RABGAP1L: variants seen among roughly 807,000 people sequenced by gnomAD.
RABGAP1L encodes RAB GTPase activating protein 1 like.
Under a neutral mutation model 137.7 loss-of-function variants are expected in RABGAP1L, and 63 were observed. The observed-to-expected ratio is 0.46, with a 90% CI of 0.37 to 0.56. The LOEUF is 0.56. Ranked by LOEUF, RABGAP1L falls within the 20% of genes least tolerant of loss-of-function variation. RABGAP1L has a pLI of 0.00. For synonymous variants in RABGAP1L, 431 were observed against 433.7 expected, an observed-to-expected ratio of 0.99 and a Z score of 0.08; for missense variants, 1,095 against 1,244.0, an observed-to-expected ratio of 0.88 and a Z score of 1.80.
At chr1:174,622,083 G>A (rs1346972653) in intron 13 of RABGAP1L, among the ~76,000 whole-genome samples, 2 of 152,186 alleles carry the variant, frequency 1.3e-5, no homozygotes, top group African/African-American at 4.8e-5. Flanking sequence ...CATTTATGCA[G>A]CCAAGAGACA....
At chr1:174,941,166 C>T (rs1191545073) in intron 19 of RABGAP1L, among the ~76,000 whole-genome samples, 1 of 152,186 alleles carries the variant, frequency 6.6e-6, no homozygotes, top group Non-Finnish European at 1.5e-5. Flanking sequence ...CTTGTCCCTC[C>T]CTATACCCCT....
At chr1:174,350,590 G>A (rs1176415723) in intron 11 of RABGAP1L, among the ~76,000 whole-genome samples, 1 of 107,036 alleles carries the variant, frequency 9.3e-6, no homozygotes, top group African/African-American at 3.7e-5. Flanking sequence ...GGGCAGAGAC[G>A]CTCCTCACTT....
At chr1:174,424,720 C>T (rs1333284399) in intron 13 of RABGAP1L, among the ~76,000 whole-genome samples, 2 of 130,512 alleles carry the variant, frequency 1.5e-5, no homozygotes, top group African/African-American at 7.6e-5. Flanking sequence ...GTCATTAATA[C>T]ATTTATTCTT....
At chr1:174,473,959 G>A (rs547476282) in intron 13 of RABGAP1L, among the ~76,000 whole-genome samples, 1 of 152,164 alleles carries the variant, frequency 6.6e-6, no homozygotes, top group African/African-American at 2.4e-5. Flanking sequence ...GAACTTCTTT[G>A]ACTAACCCCA....
In RABGAP1L at chr1:174,254,080, G is replaced by GC. The variant is rs1470252959; in HGVS notation, c.986+1495dup. On this transcript the variant is annotated intron_variant, in intron 7 of 25. Coordinates refer to ENST00000681986, the MANE Select transcript of RABGAP1L (RefSeq NM_001366446.1). ...TCTTAAATATAGGAGAAGGTATCTGGCCCCCAGTTATCTGCTGTTTTTTTT... is the reference window on the plus strand; with the variant it reads ...TCTTAAATATAGGAGAAGGTATCTGGCCCCCCAGTTATCTGCTGTTTTTTTT... Among the ~76,000 whole-genome samples the GC allele has an allele frequency of 1.1e-4, 16 of 151,802 alleles. No homozygotes were observed. The East Asian group carries it at 2.9e-3, about 28-fold the overall frequency.
chr1:174,849,087 C>G (rs1246708498), intron 19 of RABGAP1L, among the ~76,000 whole-genome samples: 1 of 152,202 alleles, frequency 6.6e-6, no homozygotes, highest in Non-Finnish European at 1.5e-5. Context: ...TGCTTCGGCT[C>G]GCGCACGGTG....
intron 11 of RABGAP1L, among the ~76,000 whole-genome samples, chr1:174,333,043 T>C (rs370229095): frequency 1.3e-5 from 2 of 152,218 alleles, no homozygotes; most frequent in African/African-American, 4.8e-5. Context: ...GAGGGCATTA[T>C]GCAAAGTGTA....
At chr1:174,432,510 G>A (rs979730070) in intron 13 of RABGAP1L, among the ~76,000 whole-genome samples, 1 of 152,066 alleles carries the variant, frequency 6.6e-6, no homozygotes, top group Non-Finnish European at 1.5e-5. Context: ...AACATGGTCA[G>A]GTTCAGACAA....
At chr1:174,429,143 G>A (rs1571759283) in intron 13 of RABGAP1L, among the ~76,000 whole-genome samples, 2 of 152,250 alleles carry the variant, frequency 1.3e-5, no homozygotes, top group African/African-American at 2.4e-5. Flanking sequence ...ATAAAGCAGG[G>A]TATTGTAAAT....
intron 18 of RABGAP1L, 24 bp downstream of exon 18, chr1:174,752,378 G>T: frequency 6.6e-7 from 1 of 1,509,836 alleles, no homozygotes; most frequent in East Asian, 2.4e-5. Flanking sequence ...TTAATCTTAA[G>T]TTACCACATT....
chr1:174,445,448 A>G (rs561578723), intron 13 of RABGAP1L, among the ~76,000 whole-genome samples: 17 of 152,172 alleles, frequency 1.1e-4, no homozygotes, highest in Middle Eastern at 3.4e-3. Flanking sequence ...TCTAATTTCT[A>G]TGCTCTTTTG....
chr1:174,162,153 C>T (rs145572871), intron 1 of RABGAP1L, among the ~76,000 whole-genome samples: 12 of 151,314 alleles, frequency 7.9e-5, no homozygotes, highest in South Asian at 2.1e-4. Context: ...TTTCTTTTTA[C>T]GCTGGTAGTT....
At chr1:174,504,155 T>G (rs1661601728) in intron 13 of RABGAP1L, among the ~76,000 whole-genome samples, 1 of 151,932 alleles carries the variant, frequency 6.6e-6, no homozygotes, top group South Asian at 2.1e-4. Context: ...GTGTTTTTTG[T>G]AGAGTTAGGG....
At chr1:174,713,973 T>C (rs1680794251) in intron 17 of RABGAP1L, among the ~76,000 whole-genome samples, 1 of 152,228 alleles carries the variant, frequency 6.6e-6, no homozygotes, top group South Asian at 2.1e-4. Context: ...ACTCCTCTAC[T>C]GAAAACCCTT....
At chr1:174,229,307 T>C (rs1463741990) in intron 3 of RABGAP1L, among the ~76,000 whole-genome samples, 1 of 152,196 alleles carries the variant, frequency 6.6e-6, no homozygotes, top group East Asian at 1.9e-4. Flanking sequence ...GATAAACTTT[T>C]AGCTGATTTA....
chr1:174,800,162 A>G, intron 18 of RABGAP1L: 1 of 1,393,594 alleles, frequency 7.2e-7, no homozygotes, highest in Non-Finnish European at 9.3e-7. Context: ...CTCGCAGTGG[A>G]TAATTTAGCC....
intron 14 of RABGAP1L, among the ~76,000 whole-genome samples, chr1:174,650,082 T>C (rs1170306851): frequency 6.6e-6 from 1 of 152,170 alleles, no homozygotes; most frequent in Non-Finnish European, 1.5e-5. Context: ...TCTGCATCTA[T>C]TGAGATAATC....
At chr1:174,634,131 C>T (rs543684216) in intron 13 of RABGAP1L, among the ~76,000 whole-genome samples, 3 of 130,816 alleles carry the variant, frequency 2.3e-5, no homozygotes, top group South Asian at 2.6e-4. Flanking sequence ...TCGCAACCTA[C>T]TCATCTGACA....
At chr1:174,781,432 ATTTG>A (rs1675727491) in intron 18 of RABGAP1L, among the ~76,000 whole-genome samples, 1 of 152,010 alleles carries the variant, frequency 6.6e-6, no homozygotes, top group African/African-American at 2.4e-5. Flanking sequence ...TTTCTTGTAA[ATTTG>A]TTTGAGTTCT....
Sources: gnomAD v4.1 joint callset for allele counts (sites outside exome capture counted in the v4.1 genomes callset) on GRCh38, gnomAD v4.1.1 for gene constraint, MANE v1.5 for transcripts, NCBI Gene and HGNC (gene_info 2026-07-23, HGNC 2026-07-21) for gene names.